CTNNA3: variants seen among roughly 807,000 people sequenced by gnomAD.
The protein encoded by CTNNA3 is catenin alpha-3.
CTNNA3 carries 76 observed loss-of-function variants against 95.7 expected under a neutral mutation model. The observed-to-expected ratio is 0.79, with a 90% CI of 0.66 to 0.96. The LOEUF is 0.96. CTNNA3 is among the 40% of genes least tolerant of loss of function. The pLI is 0.00. For synonymous variants in CTNNA3, 431 were observed against 374.4 expected (o/e 1.15, Z -1.74); for missense variants, 1,191 against 1,089.8 (o/e 1.09, Z -1.31).
At chr10:66,042,666 G>A (rs753320805) in intron 15 of CTNNA3, among the ~76,000 whole-genome samples, 48 of 151,898 alleles carry the variant, frequency 3.2e-4, no homozygotes, top group Non-Finnish European at 5.7e-4. Context: ...TTGGGAGGCC[G>A]AGGCGGGTGG....
intron 7 of CTNNA3, among the ~76,000 whole-genome samples, chr10:66,778,517 G>A (rs1165218903): frequency 1.3e-5 from 2 of 152,044 alleles, no homozygotes; most frequent in African/African-American, 4.8e-5. Context: ...AGAAATCCTT[G>A]ACAGAAGCCA....
intron 11 of CTNNA3, among the ~76,000 whole-genome samples, chr10:66,384,014 G>A (rs570560261): frequency 3.6e-4 from 55 of 152,198 alleles, no homozygotes; most frequent in Non-Finnish European, 4.3e-4. Context: ...AAAGACCATC[G>A]ATGCTATGAA....
At chr10:67,189,336 C>A (rs1259206437) in intron 6 of CTNNA3, among the ~76,000 whole-genome samples, 1 of 151,922 alleles carries the variant, frequency 6.6e-6, no homozygotes, top group Non-Finnish European at 1.5e-5. Flanking sequence ...GGACAGGATT[C>A]AGGAGATGCT....
At chr10:66,119,214 C>A (rs910934737) in intron 13 of CTNNA3, among the ~76,000 whole-genome samples, 5 of 152,094 alleles carry the variant, frequency 3.3e-5, no homozygotes, top group Non-Finnish European at 7.4e-5. Flanking sequence ...GATGAGGATA[C>A]CACCATTATG....
At chr10:66,977,930 A>G (rs1850141391) in intron 7 of CTNNA3, among the ~76,000 whole-genome samples, 1 of 152,188 alleles carries the variant, frequency 6.6e-6, no homozygotes, top group African/African-American at 2.4e-5. Context: ...TTATGGAACC[A>G]AAACATATTT....
At chr10:66,138,831 C>G (rs1427590388) in intron 13 of CTNNA3, among the ~76,000 whole-genome samples, 3 of 151,916 alleles carry the variant, frequency 2.0e-5, no homozygotes, top group Non-Finnish European at 4.4e-5. Context: ...TGCATTCCAG[C>G]CTGGGAACAA....
chr10:66,992,088 A>G (rs1851073060), intron 7 of CTNNA3, among the ~76,000 whole-genome samples: 1 of 152,180 alleles, frequency 6.6e-6, no homozygotes, highest in African/African-American at 2.4e-5. Context: ...GCCTTATCAG[A>G]TGTTGCCAAA....
In CTNNA3 at chr10:66,723,433, C is replaced by T. The variant is rs148158001; in HGVS notation, c.1281+42831G>A. ...ACTCTAAATTGTACCCTTGTGCACA[C>T]ATACAGGCCTAAATCACTTGGCCTT... On this transcript the variant is annotated intron_variant, in intron 9 of 17. Coordinates refer to ENST00000433211, the MANE Select transcript of CTNNA3 (RefSeq NM_013266.4). Among the ~76,000 whole-genome samples, 283 of 152,280 alleles carry T rather than the reference C, an allele frequency of 1.9e-3. 3 individuals carry two copies. The highest frequency in any genetic ancestry group is 6.4e-3 in the African/African-American group (267 of 41,550).
chr10:67,736,926 A>C (rs887047651), intron 1 of CTNNA3, among the ~76,000 whole-genome samples: 4 of 152,014 alleles, frequency 2.6e-5, no homozygotes, highest in African/African-American at 7.2e-5. Context: ...GTCTGAACAA[A>C]TCCAAAAAAG....
chr10:66,865,210 G>T (rs917748278), intron 7 of CTNNA3, among the ~76,000 whole-genome samples: 1 of 94,860 alleles, frequency 1.1e-5, no homozygotes, highest in Non-Finnish European at 2.3e-5. Context: ...GTGTGTGTGT[G>T]TGCGTGTGTG....
chr10:66,192,030 A>C (rs1589687665), intron 13 of CTNNA3, among the ~76,000 whole-genome samples: 1 of 152,144 alleles, frequency 6.6e-6, no homozygotes, highest in South Asian at 2.1e-4. Context: ...AAAGGCCTTC[A>C]CCAGATGACA....
chr10:67,127,576 C>T (rs1589769353), intron 7 of CTNNA3, among the ~76,000 whole-genome samples: 2 of 152,236 alleles, frequency 1.3e-5, no homozygotes, highest in South Asian at 4.1e-4. Flanking sequence ...TTCTGCAATG[C>T]CAGCAAAACA....
chr10:67,404,804 A>G (rs190336768), intron 5 of CTNNA3, among the ~76,000 whole-genome samples: 1 of 152,182 alleles, frequency 6.6e-6, no homozygotes. Flanking sequence ...GTCAAAGGCC[A>G]CTGGAAAGAA....
rs10458650 is a variant in CTNNA3 at position 67,510,369 on chromosome 10, G to A, written c.579+11473C>T. ...CATCTTGAATTAATTTTTGTATAAG[G>A]TGTAAGGAAGGGATCCAGTTTCAGC... On this transcript the variant is annotated intron_variant, in intron 5 of 17. Transcript: ENST00000433211. 4.3e-4 allele frequency among the ~76,000 whole-genome samples: 66 copies of A among 152,006 alleles called. No individual in the cohort carries two copies. In the East Asian group the frequency reaches 0.012, roughly 28 times the overall value.
At chr10:67,727,448 A>G (rs956752725) in intron 1 of CTNNA3, among the ~76,000 whole-genome samples, 5 of 133,332 alleles carry the variant, frequency 3.8e-5, no homozygotes, top group South Asian at 2.2e-4. Context: ...TCTATATATT[A>G]TATATCATAT....
chr10:67,267,445 A>G (rs1410194896), intron 5 of CTNNA3, among the ~76,000 whole-genome samples: 1 of 152,132 alleles, frequency 6.6e-6, no homozygotes, highest in Non-Finnish European at 1.5e-5. Flanking sequence ...GCTCACTGCA[A>G]GCTCTGCCTC....
At chr10:67,680,695 C>A (rs1038137608) in intron 1 of CTNNA3, among the ~76,000 whole-genome samples, 51 of 152,226 alleles carry the variant, frequency 3.4e-4, no homozygotes, top group Middle Eastern at 6.8e-3. Context: ...GGCTAAGGTA[C>A]CCTTTACTAA....
At chr10:66,245,296 C>T (rs933775800) in intron 13 of CTNNA3, among the ~76,000 whole-genome samples, 11 of 152,280 alleles carry the variant, frequency 7.2e-5, no homozygotes, top group Middle Eastern at 3.4e-3. Flanking sequence ...AGCTCAGAGA[C>T]ACAAGGAACT....
chr10:66,516,252 G>T (rs138936407), intron 11 of CTNNA3, among the ~76,000 whole-genome samples: 3 of 152,158 alleles, frequency 2.0e-5, no homozygotes, highest in African/African-American at 7.2e-5. Context: ...GTTACAAAAA[G>T]ATCACTGGTA....
Sources: allele counts gnomAD v4.1 joint callset (sites outside exome capture counted in the v4.1 genomes callset), GRCh38; gene constraint gnomAD v4.1.1; transcripts MANE v1.5; gene names NCBI Gene and HGNC (gene_info 2026-07-23, HGNC 2026-07-21).